Variants in JADE3 observed in about 807,000 individuals in gnomAD.
JADE3 encodes protein Jade-3.
A neutral mutation model predicts 50.1 loss-of-function variants in JADE3; 2 were observed. The observed-to-expected ratio is 0.04, with a 90% CI of 0.02 to 0.13. The LOEUF is 0.13. Among genes scored for constraint, JADE3 ranks in the 10% least tolerant of loss-of-function variants. The pLI is 1.00. For synonymous variants in JADE3, 218 were observed against 232.9 expected (o/e 0.94, Z 0.58); for missense variants, 475 against 634.4 (o/e 0.75, Z 2.70).
intron 7 of JADE3, among the ~76,000 whole-genome samples, chrX:47,034,500 G>GA: frequency 9.0e-6 from 1 of 111,509 alleles, no homozygotes; most frequent in Non-Finnish European, 1.9e-5. Context: ...ATTTTCCTTT[G>GA]ATGGGCATTT....
intron 1 of JADE3, among the ~76,000 whole-genome samples, chrX:46,915,129 G>A (rs1362004734): frequency 9.0e-6 from 1 of 111,704 alleles, no homozygotes; most frequent in African/African-American, 3.3e-5. Flanking sequence ...GCTGGAACTA[G>A]GCAAGTATTT....
chrX:47,017,475 A>G (rs1928700301), intron 4 of JADE3, among the ~76,000 whole-genome samples: 1 of 112,048 alleles, frequency 8.9e-6, no homozygotes, highest in African/African-American at 3.2e-5. Flanking sequence ...GTTGAAAGCA[A>G]ACATACATTA....
intron 1 of JADE3, among the ~76,000 whole-genome samples, chrX:46,927,359 C>G (rs1427073419): frequency 9.8e-5 from 11 of 111,924 alleles, no homozygotes; most frequent in African/African-American, 3.6e-4. Flanking sequence ...ATTAAGTAAT[C>G]TATAAGTGTG....
At chrX:46,980,775 T>C (rs1363683001) in intron 1 of JADE3, among the ~76,000 whole-genome samples, 4 of 111,858 alleles carry the variant, frequency 3.6e-5, no homozygotes, top group Non-Finnish European at 5.6e-5. Context: ...TTACATTTTG[T>C]ATATTAGGTT....
chrX:46,926,530 G>T (rs1367063007), intron 1 of JADE3, among the ~76,000 whole-genome samples: 1 of 112,121 alleles, frequency 8.9e-6, no homozygotes, highest in Admixed American at 9.4e-5. Flanking sequence ...ACAGGCGTGA[G>T]CCACCACACC....
chrX:47,011,893 A>G (rs1342175194), intron 4 of JADE3, among the ~76,000 whole-genome samples: 1 of 112,128 alleles, frequency 8.9e-6, no homozygotes, highest in Non-Finnish European at 1.9e-5. Context: ...CAGAAAACAC[A>G]AGATTTTATC....
intron 1 of JADE3, among the ~76,000 whole-genome samples, chrX:46,931,145 C>A (rs1352229139): frequency 9.0e-6 from 1 of 111,701 alleles, no homozygotes; most frequent in Non-Finnish European, 1.9e-5. Context: ...ATGTGTAGGA[C>A]AATGCCTTTA....
chrX:46,913,982 C>G (rs782240254), intron 1 of JADE3, among the ~76,000 whole-genome samples: 14 of 111,177 alleles, frequency 1.3e-4, no homozygotes, highest in Non-Finnish European at 2.1e-4. Context: ...AAGTCAAAAC[C>G]GTGTTGAAGG....
At chrX:46,943,580 G>A (rs188554223) in intron 1 of JADE3, among the ~76,000 whole-genome samples, 1,852 of 112,101 alleles carry the variant, frequency 0.017, 18 homozygotes, top group Non-Finnish European at 0.024. Flanking sequence ...TGATCATGGT[G>A]AATTAACTTT....
intron 4 of JADE3, among the ~76,000 whole-genome samples, chrX:46,999,103 T>C (rs1928210244): frequency 9.0e-6 from 1 of 110,909 alleles, no homozygotes; most frequent in Admixed American, 9.7e-5. Context: ...TGTTATAACA[T>C]GTGAGAAAAG....
intron 4 of JADE3, among the ~76,000 whole-genome samples, chrX:47,000,738 G>A (rs950621177): frequency 9.1e-6 from 1 of 110,493 alleles, no homozygotes; most frequent in Non-Finnish European, 1.9e-5. Flanking sequence ...TTTTAATAGA[G>A]ACGGGGTTTC....
rs782009519 is a variant in JADE3 at position 47,060,323 on chromosome X, A to C, written c.*1246A>C. On this transcript the variant is annotated 3_prime_UTR_variant, in exon 11 of 11. Coordinates refer to ENST00000614628, the MANE Select transcript of JADE3 (RefSeq NM_014735.5). ...GTTTTTTAAATGTGAAGCAGACTAT[A>C]ATTCTCAGCTCTCTTTTCTTCTTAG... 52 of 110,909 alleles carry C rather than the reference A, an allele frequency of 4.7e-4. No homozygotes were observed. Among genetic ancestry groups the C allele is most frequent in the African/African-American group, 1.6e-3 (49 of 30,504 alleles). The allele number at this position is 110,909 out of a possible 1,213,427, so 9.1% of individuals were successfully genotyped here.
chrX:47,012,146 G>A (rs1928576005), intron 4 of JADE3, among the ~76,000 whole-genome samples: 1 of 111,596 alleles, frequency 9.0e-6, no homozygotes, highest in South Asian at 3.8e-4. Context: ...TTTTTAAACG[G>A]GCAGTCTTTT....
chrX:46,991,757 C>G (rs1280549813), intron 3 of JADE3, among the ~76,000 whole-genome samples: 1 of 111,747 alleles, frequency 8.9e-6, no homozygotes, highest in African/African-American at 3.3e-5. Context: ...GTTTTTGTCT[C>G]TCCTCTTGGC....
At chrX:47,016,911 A>G (rs949901840) in intron 4 of JADE3, among the ~76,000 whole-genome samples, 11 of 111,568 alleles carry the variant, frequency 9.9e-5, no homozygotes, top group African/African-American at 3.6e-4. Flanking sequence ...TTTATTTATT[A>G]ACTAATTTAT....
At chrX:47,041,117 C>T (rs1227150731) in intron 8 of JADE3, among the ~76,000 whole-genome samples, 1 of 111,040 alleles carries the variant, frequency 9.0e-6, no homozygotes, top group Non-Finnish European at 1.9e-5. Context: ...GGTTGCTGCC[C>T]ATGTGTGAGT....
Position 46,999,486 on chromosome X carries a change from A to T in JADE3, c.284+1209A>T, listed in dbSNP as rs371631892. On this transcript the variant is annotated intron_variant, in intron 4 of 10. Coordinates refer to ENST00000614628, the MANE Select transcript of JADE3 (RefSeq NM_014735.5). ...TACATATATAACATATATATATATA[A>T]AATAGGGTCTTAAAGTAATGGTATC... Among the ~76,000 whole-genome samples the T allele has an allele frequency of 2.8e-3, 182 of 64,749 alleles. 1 individual carries two copies. Among genetic ancestry groups the T allele is most frequent in the Non-Finnish European group, 4.1e-3 (155 of 37,866 alleles). 56.2% of individuals were successfully genotyped at this position (64,749 alleles called of 115,157 possible). A position where few individuals can be genotyped will look rare whatever the true frequency, so the allele number is the denominator to read the frequency against.
At chrX:46,979,453 T>C (rs1214495031) in intron 1 of JADE3, among the ~76,000 whole-genome samples, 1 of 111,731 alleles carries the variant, frequency 9.0e-6, no homozygotes, top group African/African-American at 3.3e-5. Context: ...TTCACTGAGA[T>C]TTTTAGAGAA....
At position 46,933,589 on chromosome X, in the gene JADE3, C is replaced by T. The variant is rs180697340; in HGVS notation, c.-12+20870C>T. 4.7e-3 allele frequency among the ~76,000 whole-genome samples: 526 copies of T among 111,526 alleles called. 2 individuals are homozygous for T. The highest frequency in any genetic ancestry group is 0.016 in the African/African-American group (506 of 30,696). On this transcript the variant is annotated intron_variant, in intron 1 of 10. Coordinates refer to ENST00000614628, the MANE Select transcript of JADE3 (RefSeq NM_014735.5). ...AATCCAGGTGTGATTCCCATTCATACAAAAGGATCAAAGTGCCAACTTCGT... is the reference window on the plus strand; with the variant it reads ...AATCCAGGTGTGATTCCCATTCATATAAAAGGATCAAAGTGCCAACTTCGT...
Sources: gnomAD v4.1 joint callset for allele counts (sites outside exome capture counted in the v4.1 genomes callset) on GRCh38, gnomAD v4.1.1 for gene constraint, MANE v1.5 for transcripts, NCBI Gene and HGNC (gene_info 2026-07-23, HGNC 2026-07-21) for gene names.